Variants in ADAM22 observed in about 807,000 individuals in gnomAD.
ADAM22 encodes the protein disintegrin and metalloproteinase domain-containing protein 22.
Under a neutral mutation model 144.6 loss-of-function variants are expected in ADAM22, and 65 were observed. That is an observed-to-expected ratio of 0.45 (90% CI 0.37 to 0.55). ADAM22 has a LOEUF of 0.55. ADAM22 is among the 20% of genes least tolerant of loss of function. The pLI is 0.00. For synonymous variants in ADAM22, 391 were observed against 412.6 expected (o/e 0.95, Z 0.63); for missense variants, 974 against 1,184.9 (o/e 0.82, Z 2.61).
At chr7:88,188,696 A>G (rs542949964) in intron 30 of ADAM22, among the ~76,000 whole-genome samples, 7 of 152,316 alleles carry the variant, frequency 4.6e-5, no homozygotes, top group Non-Finnish European at 8.8e-5. Flanking sequence ...GGAGAATTTC[A>G]TCCACCCTCT....
Position 88,145,472 on chromosome 7 carries a change from C to A in ADAM22, c.1450C>A (p.Gln484Lys). 6.2e-7 allele frequency: 1 copy of A among 1,613,580 alleles called. No homozygotes were observed. Among genetic ancestry groups the A allele is most frequent in the Non-Finnish European group, 8.5e-7 (1 of 1,179,688 alleles). The change falls in exon 17 of 32, where the codon CAA becomes AAA. Residue 484 changes from glutamine to lysine, a missense_variant. By Grantham distance (53) the Gln-to-Lys change is moderately conservative (BLOSUM62 1). Around this residue, in one of 2 missense-constraint regions of ADAM22, gnomAD observed 734 missense variants for 950.6 expected, o/e 0.77. Transcript: ENST00000413139. ...CKKCTLTQDS[Q>K]CSDGLCCKKC... ...GAAATGCACCTTGACTCAAGACTCTCAATGCAGTGACGGTCTTTGCTGTAA... is the reference window on the plus strand; with the variant it reads ...GAAATGCACCTTGACTCAAGACTCTAAATGCAGTGACGGTCTTTGCTGTAA...
intron 7 of ADAM22, among the ~76,000 whole-genome samples, chr7:88,118,262 C>G (rs1487896450): frequency 6.6e-6 from 1 of 152,154 alleles, no homozygotes; most frequent in Non-Finnish European, 1.5e-5. Context: ...CCTAATGTTC[C>G]TTTCTCTCTA....
At chr7:88,148,886 C>A in intron 17 of ADAM22, 91 bp from the exon 18 acceptor site, 2 of 1,003,852 alleles carry the variant, frequency 2.0e-6, no homozygotes, top group Non-Finnish European at 3.0e-6. Flanking sequence ...GTATTTCTAG[C>A]CAAACAATTT....
chr7:88,096,291 A>G (rs1050727815), intron 4 of ADAM22, among the ~76,000 whole-genome samples: 2 of 151,702 alleles, frequency 1.3e-5, no homozygotes, highest in East Asian at 3.9e-4. Context: ...ATATTTTTCA[A>G]TAATTTCTGC....
At chr7:88,193,441 G>C (rs532844257) in intron 31 of ADAM22, among the ~76,000 whole-genome samples, 2 of 152,212 alleles carry the variant, frequency 1.3e-5, no homozygotes, top group African/African-American at 4.8e-5. Flanking sequence ...ATACAGTCTA[G>C]GTACATTTTG....
In ADAM22 at chr7:87,949,980, C is replaced by A. The variant is rs541039694; in HGVS notation, c.246+14794C>A. Among the ~76,000 whole-genome samples the A allele has an allele frequency of 6.6e-5, 10 of 150,760 alleles. No homozygotes were observed. In the East Asian group the frequency reaches 1.7e-3, roughly 26 times the overall value. ...TTATTTCTTAGGAGGTGGATGTTAC[C>A]CATACTCCATGAAATCTTCATGCCT... On this transcript the variant is annotated intron_variant, in intron 2 of 31. Transcript: ENST00000413139.
Position 87,995,174 on chromosome 7 carries a change from A to G in ADAM22, c.323+16762A>G, listed in dbSNP as rs371643587. On this transcript the variant is annotated intron_variant, in intron 3 of 31. Coordinates refer to ENST00000413139, the MANE Select transcript of ADAM22 (RefSeq NM_001324418.2). ...GGATTTAGAGAAATAACAGATGTTA[A>G]TCTATCCTTCCCTCTGCAAAAATGA... 5.3e-5 allele frequency among the ~76,000 whole-genome samples: 8 copies of G among 152,352 alleles called. No homozygotes were observed. The South Asian group carries it at 8.3e-4, about 16-fold the overall frequency.
rs190411985 is a variant in ADAM22 at position 88,010,163 on chromosome 7, G to A, written c.323+31751G>A. 7.9e-3 allele frequency among the ~76,000 whole-genome samples: 1,195 copies of A among 152,092 alleles called. 9 individuals carry two copies. Among genetic ancestry groups the A allele is most frequent in the Middle Eastern group, 0.024 (7 of 294 alleles). On this transcript the variant is annotated intron_variant, in intron 3 of 31. Transcript: ENST00000413139. ...CCTACTTCTGGCTATGTTTCACTTG[G>A]AACAGATCACCTAAAGAACCGTGAA...
intron 3 of ADAM22, among the ~76,000 whole-genome samples, chr7:88,059,631 G>A (rs1180104692): frequency 6.6e-6 from 1 of 152,172 alleles, no homozygotes; most frequent in African/African-American, 2.4e-5. Context: ...CTGATCGATG[G>A]TGGACTGGAT....
chr7:88,122,860 C>CTCTGTGT (rs1408684729), intron 7 of ADAM22, among the ~76,000 whole-genome samples: 1 of 152,202 alleles, frequency 6.6e-6, no homozygotes. Context: ...TGACTCTTGG[C>CTCTGTGT]TCTGTGTTCT....
At chr7:88,015,111 A>C (rs1796275448) in intron 3 of ADAM22, among the ~76,000 whole-genome samples, 1 of 152,204 alleles carries the variant, frequency 6.6e-6, no homozygotes, top group South Asian at 2.1e-4. Context: ...TAAAGAGAAA[A>C]AGAAATGGAT....
At chr7:88,024,970 G>A (rs999002540) in intron 3 of ADAM22, among the ~76,000 whole-genome samples, 2 of 152,018 alleles carry the variant, frequency 1.3e-5, no homozygotes, top group Non-Finnish European at 2.9e-5. Flanking sequence ...ATTTGGGTTG[G>A]TTCCAATTCT....
chr7:87,979,590 T>C (rs1852803584), intron 3 of ADAM22, among the ~76,000 whole-genome samples: 1 of 152,140 alleles, frequency 6.6e-6, no homozygotes, highest in South Asian at 2.1e-4. Flanking sequence ...CATCTAATAT[T>C]TGATATTTTG....
At chr7:88,032,035 G>T (rs375515597) in intron 3 of ADAM22, among the ~76,000 whole-genome samples, 1 of 152,242 alleles carries the variant, frequency 6.6e-6, no homozygotes, top group East Asian at 1.9e-4. Context: ...GAAGTCTACT[G>T]CAGGGACAGA....
At chr7:87,998,854 T>C (rs1039250128) in intron 3 of ADAM22, among the ~76,000 whole-genome samples, 3 of 152,248 alleles carry the variant, frequency 2.0e-5, no homozygotes, top group African/African-American at 7.2e-5. Context: ...TTATAGTCTT[T>C]ACTTATCCCA....
chr7:88,076,253 G>A lies in ADAM22; in HGVS notation c.390+561G>A, dbSNP rs549189167. ...GGGTTTCACCATGTTGGCCAGGCTG[G>A]TCTCGAACTTCAGACCTCAGGTGAT... On this transcript the variant is annotated intron_variant, in intron 4 of 31. Transcript: ENST00000413139. 8.0e-4 allele frequency among the ~76,000 whole-genome samples: 121 copies of A among 152,180 alleles called. 1 individual carries two copies. Among genetic ancestry groups the A allele is most frequent in the Admixed American group, 6.0e-3 (91 of 15,286 alleles).
intron 3 of ADAM22, among the ~76,000 whole-genome samples, chr7:88,019,675 C>T (rs1797299620): frequency 6.6e-6 from 1 of 151,972 alleles, no homozygotes; most frequent in Admixed American, 6.6e-5. Context: ...CGGTAAAACC[C>T]TGTGTCTACT....
chr7:88,058,017 C>G (rs1186575836), intron 3 of ADAM22, among the ~76,000 whole-genome samples: 1 of 152,178 alleles, frequency 6.6e-6, no homozygotes, highest in Non-Finnish European at 1.5e-5. Context: ...CTAGGTATAG[C>G]AGAGTGAACT....
chr7:88,050,660 T>C (rs1391403053), intron 3 of ADAM22, among the ~76,000 whole-genome samples: 1 of 152,212 alleles, frequency 6.6e-6, no homozygotes, highest in Non-Finnish European at 1.5e-5. Context: ...ATGTCTTCTT[T>C]TGAGAAGTGT....
Sources: allele counts gnomAD v4.1 joint callset (sites outside exome capture counted in the v4.1 genomes callset), GRCh38; gene constraint gnomAD v4.1.1; regional missense constraint gnomAD v4.1.1; transcripts MANE v1.5; gene names NCBI Gene and HGNC (gene_info 2026-07-23, HGNC 2026-07-21).